CNTN2: variants seen among roughly 807,000 people sequenced by gnomAD.
The protein encoded by CNTN2 is contactin-2.
CNTN2 carries 53 observed loss-of-function variants against 117.5 expected under a neutral mutation model. That is an observed-to-expected ratio of 0.45 (90% confidence interval 0.36 to 0.57). The LOEUF (loss-of-function observed/expected upper bound fraction) is 0.57. CNTN2 is among the 20% of genes least tolerant of loss of function. The pLI is 0.00. For missense variants in CNTN2, 1,106 were observed against 1,404.3 expected (o/e 0.79, Z 3.39); for synonymous variants, 530 against 561.7 (o/e 0.94, Z 0.80).
chr1:205,067,592 G>A, intron 16 of CNTN2: 1 of 205,094 alleles, frequency 4.9e-6, no homozygotes. Flanking sequence ...ACCATGGGGT[G>A]GTAGACAGAT....
At position 205,059,130 on chromosome 1, in the gene CNTN2, G is replaced by T; in HGVS notation, c.534G>T (p.Pro178=). Residue 178 remains proline (P), a synonymous_variant, in exon 6 of 23, where the codon CCG becomes CCT. Coordinates refer to ENST00000331830, the MANE Select transcript of CNTN2 (RefSeq NM_005076.5). This position sits in a 1 kb window ranked among gnomAD's most constrained non-coding sequence, Gnocchi z 5.6. The part of the protein sequence containing the change: ...WLLNEFPNFI[P]TDGRHFVSQT... The stretch of plus-strand genomic sequence containing the variant: ...TCAACGAGTTCCCCAACTTCATCCC[G>T]ACGGACGGGCGTCACTTCGTGTCCC... 6.2e-7 allele frequency: 1 copy of T among 1,614,168 alleles called. No individual in the cohort carries two copies. Among genetic ancestry groups the T allele is most frequent in the African/African-American group, 1.3e-5 (1 of 75,050 alleles).
chr1:205,053,271 T>C lies in CNTN2; in HGVS notation c.70+16T>C. The stretch of plus-strand genomic sequence containing the variant: ...TCCTCTTCAGGTAAGAGGGCTCATC[T>C]GGGCTTTGAAGCCTAGCAGGCATGA... On this transcript the variant is annotated intron_variant, in intron 2 of 22. Transcript: ENST00000331830. 1 of 1,608,314 alleles carries C rather than the reference T, an allele frequency of 6.2e-7. No individual in the cohort carries two copies. Among genetic ancestry groups the C allele is most frequent in the Non-Finnish European group, 8.5e-7 (1 of 1,176,226 alleles).
At chr1:205,072,255 A>T in intron 20 of CNTN2, 122 bp downstream of exon 20, 1 of 1,071,188 alleles carries the variant, frequency 9.3e-7, no homozygotes. Flanking sequence ...CTGAACAGAA[A>T]TTAGGCAGCG....
At chr1:205,064,824 G>C in intron 12 of CNTN2, 74 bp downstream of exon 12, 1 of 1,578,712 alleles carries the variant, frequency 6.3e-7, no homozygotes, top group Non-Finnish European at 8.6e-7. Context: ...TCCTGCTCCT[G>C]TGTCCACATT....
At position 205,059,050 on chromosome 1, in the gene CNTN2, A is replaced by T. The variant is rs1457503044; in HGVS notation, c.488-34A>T. ...CCCAGAGTGGCCCTGTTAGCCCAGC[A>T]CCCCCTGGTTTCCTCAAACTCCTCA... On this transcript the variant is annotated intron_variant, in intron 5 of 22. Transcript: ENST00000331830. The surrounding 1 kb of genome is among the most constrained non-coding windows in gnomAD (Gnocchi z 5.6). The T allele has an allele frequency of 1.2e-6, 2 of 1,603,754 alleles. No homozygotes were observed. Among genetic ancestry groups the T allele is most frequent in the Non-Finnish European group, 1.7e-6 (2 of 1,171,238 alleles).
chr1:205,061,188 C>A lies in CNTN2; in HGVS notation c.798-57C>A. The A allele has an allele frequency of 6.5e-7, 1 of 1,532,150 alleles. No homozygotes were observed. Among genetic ancestry groups the A allele is most frequent in the Non-Finnish European group, 8.9e-7 (1 of 1,129,620 alleles). 94.9% of individuals were successfully genotyped at this position (1,532,150 alleles called of 1,614,324 possible). A position where few individuals can be genotyped will look rare whatever the true frequency, so the allele number is the denominator to read the frequency against. On this transcript the variant is annotated intron_variant, in intron 7 of 22. Coordinates refer to ENST00000331830, the MANE Select transcript of CNTN2 (RefSeq NM_005076.5). This position sits in a 1 kb window ranked among gnomAD's most constrained non-coding sequence, Gnocchi z 4.8. ...GAGTCTGGGTATGAGGAGCTGCGGGCACTGGAGGGGTAGGCCCAGCTCAGC... is the reference window on the plus strand; with the variant it reads ...GAGTCTGGGTATGAGGAGCTGCGGGAACTGGAGGGGTAGGCCCAGCTCAGC...
intron 16 of CNTN2, 110 bp downstream of exon 16, chr1:205,067,360 A>G: frequency 7.3e-7 from 1 of 1,364,200 alleles, no homozygotes; most frequent in Non-Finnish European, 1.0e-6. Context: ...CCCTGCTCAC[A>G]GGGTTCAGAC....
At chr1:205,047,256 G>C (rs953492928) in intron 1 of CNTN2, among the ~76,000 whole-genome samples, 14 of 152,072 alleles carry the variant, frequency 9.2e-5, no homozygotes, top group Admixed American at 8.5e-4. Context: ...GTACCACAGA[G>C]ACCCCTCAGT....
chr1:205,049,719 T>C (rs2096449031), intron 1 of CNTN2, among the ~76,000 whole-genome samples: 1 of 152,248 alleles, frequency 6.6e-6, no homozygotes, highest in Non-Finnish European at 1.5e-5. Flanking sequence ...GAGCAAATGA[T>C]GATTGAGCAC....
In CNTN2 at chr1:205,058,458, G is replaced by C. The variant is rs778209101; in HGVS notation, c.391+102G>C. The C allele has an allele frequency of 1.3e-6, 2 of 1,538,376 alleles. No individual in the cohort carries two copies. The highest frequency in any genetic ancestry group is 8.9e-7 in the Non-Finnish European group (1 of 1,125,040). ...GGACACCCTCAAGCCGGGCCTTCCT[G>C]ACCTCACATGACATGCCTTAGTGAA... On this transcript the variant is annotated intron_variant, in intron 4 of 22. Transcript: ENST00000331830. This position sits in a 1 kb window ranked among gnomAD's most constrained non-coding sequence, Gnocchi z 4.3.
rs1654863117 is a variant in CNTN2 at position 205,076,343 on chromosome 1, C to A, written c.*2578C>A. On this transcript the variant is annotated 3_prime_UTR_variant, in exon 23 of 23. Transcript: ENST00000331830. ...GGACATGCAAGCTTGTAAAATGCAA[C>A]AGCCTCCTGCTAGAGTGACTTGTAC... is the stretch of plus-strand genomic sequence containing the variant. 6.6e-6 allele frequency: 1 copy of A among 152,194 alleles called. No homozygotes were observed. The highest frequency in any genetic ancestry group is 2.4e-5 in the African/African-American group (1 of 41,442). 9.4% of individuals were successfully genotyped at this position (152,194 alleles called of 1,614,324 possible). A position where few individuals can be genotyped will look rare whatever the true frequency, so the allele number is the denominator to read the frequency against.
chr1:205,072,783 G>A, intron 21 of CNTN2, 188 bp downstream of exon 21: 13 of 665,208 alleles, frequency 2.0e-5, no homozygotes, highest in Admixed American at 2.7e-5. Context: ...CTATAAAAAC[G>A]GGCAGATGGT....
chr1:205,069,818 G>A lies in CNTN2; in HGVS notation c.2197-9G>A. The A allele has an allele frequency of 6.2e-7, 1 of 1,610,524 alleles. No homozygotes were observed. Among genetic ancestry groups the A allele is most frequent in the Non-Finnish European group, 8.5e-7 (1 of 1,177,230 alleles). On this transcript the variant is annotated splice_polypyrimidine_tract_variant and intron_variant, in intron 17 of 22. Transcript: ENST00000331830. Reference sequence around the variant, plus strand: ...GGACCCTCGCCCATGCCATGCTCTTGCCCCTCAGCCCATGTCACGGGAGTA... The same window carrying A: ...GGACCCTCGCCCATGCCATGCTCTTACCCCTCAGCCCATGTCACGGGAGTA...
At chr1:205,043,604 C>T (rs961873367) in intron 1 of CNTN2, among the ~76,000 whole-genome samples, 1 of 152,188 alleles carries the variant, frequency 6.6e-6, no homozygotes, top group Non-Finnish European at 1.5e-5. Context: ...TCTACGTGGG[C>T]GGCATCCCGC....
At position 205,074,868 on chromosome 1, in the gene CNTN2, C is replaced by G. The variant is rs1264582508; in HGVS notation, c.*1103C>G. 1 of 398,526 alleles carries G rather than the reference C, an allele frequency of 2.5e-6. No homozygotes were observed. Among genetic ancestry groups the G allele is most frequent in the Non-Finnish European group, 4.4e-6 (1 of 226,106 alleles). The allele number at this position is 398,526 out of a possible 1,614,324, so 24.7% of individuals were successfully genotyped here. ...TGCCTGCTCCCAGGTATACCTAGGA[C>G]CACCTGGCCAGATCCGCTCCCAGAC... On this transcript the variant is annotated 3_prime_UTR_variant, in exon 23 of 23. Coordinates refer to ENST00000331830, the MANE Select transcript of CNTN2 (RefSeq NM_005076.5).
chr1:205,066,029 G>A lies in CNTN2; in HGVS notation c.1816+120G>A, dbSNP rs1021379465. ...AAAGCTGCGGGGAAGGGCTTCCGGC[G>A]GAACTCCTGTGAGCTGGATATACCC... On this transcript the variant is annotated intron_variant, in intron 14 of 22. Transcript: ENST00000331830. 8.1e-5 allele frequency: 99 copies of A among 1,228,072 alleles called. 1 individual carries two copies. Among genetic ancestry groups the A allele is most frequent in the South Asian group, 3.6e-4 (23 of 63,688 alleles). 76.1% of individuals were successfully genotyped at this position (1,228,072 alleles called of 1,614,324 possible).
At chr1:205,069,388 G>A in intron 16 of CNTN2, 103 bp from the exon 17 acceptor site, 6 of 1,137,356 alleles carry the variant, frequency 5.3e-6, no homozygotes, top group Non-Finnish European at 6.3e-6. Context: ...GGGCCCAGTT[G>A]AAGGGGTTCC....
chr1:205,067,495 T>G, intron 16 of CNTN2: 1 of 404,988 alleles, frequency 2.5e-6, no homozygotes. Context: ...CATCTATAAT[T>G]TTTTTAAGTT....
chr1:205,068,127 T>A (rs1439091281), intron 16 of CNTN2: 1 of 151,044 alleles, frequency 6.6e-6, no homozygotes, highest in East Asian at 2.0e-4. Flanking sequence ...AGAACTTGAG[T>A]GGAGAAGGAG....
Sources: gnomAD v4.1 joint callset for allele counts (sites outside exome capture counted in the v4.1 genomes callset) on GRCh38, gnomAD v4.1.1 for gene constraint, Gnocchi (gnomAD v3.1) non-coding constraint, MANE v1.5 for transcripts, NCBI Gene and HGNC (gene_info 2026-07-23, HGNC 2026-07-21) for gene names.